Variants in LPP observed in about 807,000 individuals in gnomAD.
The protein encoded by LPP is LIM domain containing preferred translocation partner in lipoma.
Under a neutral mutation model 60.4 loss-of-function variants are expected in LPP, and 38 were observed. The ratio of observed to expected loss-of-function variants is 0.63; its 90% CI spans 0.49 to 0.83. LPP has a LOEUF of 0.83. Ranked by LOEUF, LPP falls within the 40% of genes least tolerant of loss-of-function variation. The pLI, the probability that LPP is intolerant of heterozygous loss-of-function variation, is 0.00. For synonymous variants in LPP, 328 were observed against 290.8 expected, an observed-to-expected ratio of 1.13 and a Z score of -1.30; for missense variants, 902 against 783.6, an observed-to-expected ratio of 1.15 and a Z score of -1.80.
intron 5 of LPP, among the ~76,000 whole-genome samples, chr3:188,502,489 G>A (rs904215333): frequency 2.0e-5 from 3 of 151,930 alleles, no homozygotes; most frequent in African/African-American, 7.3e-5. Flanking sequence ...ATTTTAAACT[G>A]TTTGTGTCTT....
intron 2 of LPP, among the ~76,000 whole-genome samples, chr3:188,244,427 G>T (rs1378329117): frequency 6.6e-6 from 1 of 152,142 alleles, no homozygotes; most frequent in Non-Finnish European, 1.5e-5. Flanking sequence ...TGGGTTCTGG[G>T]TTCCAGTCCT....
chr3:188,643,437 G>C (rs1012066499), intron 7 of LPP, among the ~76,000 whole-genome samples: 1 of 152,148 alleles, frequency 6.6e-6, no homozygotes. Context: ...TCTCACCACT[G>C]AATGACTTAA....
intron 3 of LPP, among the ~76,000 whole-genome samples, chr3:188,387,312 G>A: frequency 6.6e-6 from 1 of 152,078 alleles, no homozygotes; most frequent in East Asian, 1.9e-4. Context: ...CAAGTCTTTA[G>A]CTATTAGCAT....
At chr3:188,626,732 C>A (rs1446602178) in intron 7 of LPP, among the ~76,000 whole-genome samples, 1 of 152,144 alleles carries the variant, frequency 6.6e-6, no homozygotes, top group South Asian at 2.1e-4. Flanking sequence ...TTAATGGCCT[C>A]TTTAAAGGCC....
intron 1 of LPP, among the ~76,000 whole-genome samples, chr3:188,156,150 C>G (rs559286710): frequency 1.8e-4 from 28 of 152,306 alleles, no homozygotes; most frequent in Admixed American, 1.5e-3. Flanking sequence ...ATTACCTATT[C>G]TGAATGGTAG....
rs1843328501 is a variant in LPP at position 188,609,904 on chromosome 3, C to T, written c.1113+60C>T. The T allele has an allele frequency of 2.0e-6, 3 of 1,505,044 alleles. No individual in the cohort carries two copies. Among genetic ancestry groups the T allele is most frequent in the Non-Finnish European group, 2.7e-6 (3 of 1,119,562 alleles). The allele number at this position is 1,505,044 out of a possible 1,614,324, so 93.2% of individuals were successfully genotyped here. On this transcript the variant is annotated intron_variant, in intron 7 of 11. Coordinates refer to ENST00000617246, the MANE Select transcript of LPP (RefSeq NM_001375462.1). The surrounding 1 kb of genome is among the most constrained non-coding windows in gnomAD (Gnocchi z 6.9). Reference sequence around the variant, plus strand: ...GGGGTGCCTATCTTAGTCTGCCTTCCCCAGGAAGCGAAGCCTAAGGCAAAA... The same window carrying T: ...GGGGTGCCTATCTTAGTCTGCCTTCTCCAGGAAGCGAAGCCTAAGGCAAAA...
chr3:188,729,611 T>C (rs1025947221), intron 8 of LPP, among the ~76,000 whole-genome samples: 4 of 152,186 alleles, frequency 2.6e-5, no homozygotes, highest in Non-Finnish European at 4.4e-5. Flanking sequence ...TATGCAGAAA[T>C]GCAAATCAAG....
intron 6 of LPP, among the ~76,000 whole-genome samples, chr3:188,592,557 G>GTTTGTTTTTTTT (rs1260656926): frequency 1.6e-4 from 14 of 85,734 alleles, no homozygotes; most frequent in South Asian, 5.8e-4. Flanking sequence ...TTTTGTTTTT[G>GTTTGTTTTTTTT]TTTTTTAAAT....
At chr3:188,509,589 G>A (rs893299186) in intron 5 of LPP, among the ~76,000 whole-genome samples, 7 of 151,934 alleles carry the variant, frequency 4.6e-5, no homozygotes, top group Non-Finnish European at 7.4e-5. Context: ...AGGAAAGTTG[G>A]AAGTGAGTAA....
chr3:188,635,288 G>C lies in LPP; in HGVS notation c.1113+25444G>C, dbSNP rs575718662. On this transcript the variant is annotated intron_variant, in intron 7 of 11. Transcript: ENST00000617246. ...TTGTGATAGTGCTTCTTGGGCATCAGTGGGGACAGCTTAGAAAGCTTGTCG... is the reference window on the plus strand; with the variant it reads ...TTGTGATAGTGCTTCTTGGGCATCACTGGGGACAGCTTAGAAAGCTTGTCG... Among the ~76,000 whole-genome samples, 6 of 152,288 alleles carry C rather than the reference G, an allele frequency of 3.9e-5. No individual in the cohort carries two copies. The South Asian group carries it at 1.2e-3, about 32-fold the overall frequency.
At chr3:188,416,111 AATT>A (rs1323314568) in intron 4 of LPP, among the ~76,000 whole-genome samples, 2 of 151,514 alleles carry the variant, frequency 1.3e-5, no homozygotes, top group African/African-American at 4.9e-5. Context: ...TTTAAAAAAA[AATT>A]AATAATAGTA....
At chr3:188,385,580 G>A (rs537703114) in intron 3 of LPP, among the ~76,000 whole-genome samples, 28 of 152,186 alleles carry the variant, frequency 1.8e-4, no homozygotes, top group Non-Finnish European at 3.5e-4. Flanking sequence ...GGTATGGAAA[G>A]CTATCTAAAA....
At chr3:188,648,657 C>A (rs1851536997) in intron 7 of LPP, among the ~76,000 whole-genome samples, 1 of 152,012 alleles carries the variant, frequency 6.6e-6, no homozygotes, top group African/African-American at 2.4e-5. Context: ...AGTATGGTAC[C>A]CTTATTTTAA....
intron 6 of LPP, among the ~76,000 whole-genome samples, chr3:188,550,064 C>T (rs1046456995): frequency 1.3e-5 from 2 of 152,146 alleles, no homozygotes; most frequent in Admixed American, 1.3e-4. Context: ...TGACATGGTA[C>T]TTCTATGGTA....
chr3:188,592,557 G>GTTTTTTTGTTTTTTTTTTTTTTTTTT (rs1553936333), intron 6 of LPP, among the ~76,000 whole-genome samples: 1 of 85,756 alleles, frequency 1.2e-5, no homozygotes, highest in African/African-American at 4.5e-5. Context: ...TTTTGTTTTT[G>GTTTTTTTGTTTTTTTTTTTTTTTTTT]TTTTTTAAAT....
rs1369100331 is a variant in LPP, at chr3:188,885,765, AGT to A, written c.*11289_*11290del. ...TTCACAGTCCCACCAACAGTGTAAA[AGT>A]GTTCTTATTTCTCCACATCCTCTCC... On this transcript the variant is annotated 3_prime_UTR_variant, in exon 12 of 12. Transcript: ENST00000617246. 5 of 152,318 alleles carry A rather than the reference AGT, an allele frequency of 3.3e-5. No individual in the cohort carries two copies. The highest frequency in any genetic ancestry group is 4.1e-4 in the South Asian group (2 of 4,826). The allele number at this position is 152,318 out of a possible 1,614,324, so 9.4% of individuals were successfully genotyped here.
chr3:188,379,802 T>G (rs1311140827), intron 3 of LPP, among the ~76,000 whole-genome samples: 1 of 152,216 alleles, frequency 6.6e-6, no homozygotes, highest in Non-Finnish European at 1.5e-5. Context: ...GAAGCAAGTT[T>G]ACCCCAAAAT....
At chr3:188,701,556 C>G (rs964867639) in intron 7 of LPP, among the ~76,000 whole-genome samples, 4 of 152,230 alleles carry the variant, frequency 2.6e-5, no homozygotes, top group African/African-American at 9.6e-5. Flanking sequence ...GGCCCAGTCT[C>G]CATCCTTCCT....
intron 9 of LPP, among the ~76,000 whole-genome samples, chr3:188,862,712 C>CAAAAAAAAAAAAA (rs140751676): frequency 6.7e-4 from 37 of 55,588 alleles, no homozygotes; most frequent in African/African-American, 1.2e-3. Context: ...CCCTACTAGA[C>CAAAAAAAAAAAAA]AAAAAAATAA....
Sources: gnomAD v4.1 joint callset for allele counts (sites outside exome capture counted in the v4.1 genomes callset) on GRCh38, gnomAD v4.1.1 for gene constraint, Gnocchi (gnomAD v3.1) non-coding constraint, MANE v1.5 for transcripts, NCBI Gene and HGNC (gene_info 2026-07-23, HGNC 2026-07-21) for gene names.